Variants in FKBP1B observed in about 807,000 individuals in gnomAD.
The protein encoded by FKBP1B is peptidyl-prolyl cis-trans isomerase FKBP1B.
Under a neutral mutation model 13.5 loss-of-function variants are expected in FKBP1B, and 4 were observed. The ratio of observed to expected loss-of-function variants is 0.30; its 90% CI spans 0.15 to 0.68. The LOEUF (loss-of-function observed/expected upper bound fraction) is 0.68. Ranked by LOEUF, FKBP1B falls within the 30% of genes least tolerant of loss-of-function variation. The pLI is 0.76. For missense variants in FKBP1B, 93 were observed against 136.2 expected (o/e 0.68, Z 1.58); for synonymous variants, 54 against 53.6 (o/e 1.01, Z -0.03).
chr2:24,042,480 G>A, the FKBP1B span, among the ~76,000 whole-genome samples: 1 of 138,012 alleles, frequency 7.2e-6, no homozygotes, highest in Non-Finnish European at 1.5e-5. Context: ...AGGTTGCAGT[G>A]AATCGAGATC....
upstream of FKBP1B, chr2:24,045,829 A>C (rs1177786864): frequency 6.6e-6 from 1 of 152,036 alleles, no homozygotes; most frequent in African/African-American, 2.4e-5. Context: ...TTTAAAAATG[A>C]GGTGGGTGCT....
chr2:24,053,243 C>A (rs983652267), intron 1 of FKBP1B, among the ~76,000 whole-genome samples: 10 of 150,910 alleles, frequency 6.6e-5, no homozygotes, highest in Non-Finnish European at 1.2e-4. Flanking sequence ...TCTTCAGTAG[C>A]TGGGACTATA....
intron 3 of FKBP1B, among the ~76,000 whole-genome samples, chr2:24,061,154 C>A (rs930418232): frequency 2.1e-4 from 32 of 152,126 alleles, no homozygotes; most frequent in African/African-American, 6.8e-4. Context: ...AAGCACATCC[C>A]CCTAGGCTTG....
the FKBP1B span, among the ~76,000 whole-genome samples, chr2:24,033,870 T>C: frequency 4.6e-5 from 7 of 152,170 alleles, no homozygotes; most frequent in African/African-American, 2.4e-5. Context: ...CTGGGCAACA[T>C]GGCAAGACCC....
Position 24,049,800 on chromosome 2 carries a change from G to T in FKBP1B, c.-50G>T. ...CGGGGCTGGGGCCGGAGCCGAGCCG[G>T]GGTCGGGCAGCAGCAGGGACCCCCC... On this transcript the variant is annotated 5_prime_UTR_variant, in exon 1 of 4. Transcript: ENST00000380986. 7.6e-7 allele frequency: 1 copy of T among 1,320,892 alleles called. No individual in the cohort carries two copies. Among genetic ancestry groups the T allele is most frequent in the Non-Finnish European group, 9.7e-7 (1 of 1,032,570 alleles). The allele number at this position is 1,320,892 out of a possible 1,614,324, so 81.8% of individuals were successfully genotyped here. A position where few individuals can be genotyped will look rare whatever the true frequency, so the allele number is the denominator to read the frequency against.
chr2:24,057,044 G>A (rs1363692001), intron 2 of FKBP1B, among the ~76,000 whole-genome samples: 3 of 152,092 alleles, frequency 2.0e-5, no homozygotes, highest in African/African-American at 7.2e-5. Context: ...TTGGATATGA[G>A]TCTTTTGTTG....
chr2:24,039,201 G>T, the FKBP1B span: 390 of 1,614,216 alleles, frequency 2.4e-4, 1 homozygote, highest in African/African-American at 4.6e-3. Flanking sequence ...TCAGCCATTT[G>T]CTTGACTCCA....
chr2:24,038,798 C>T, the FKBP1B span: 8 of 1,614,170 alleles, frequency 5.0e-6, no homozygotes, highest in Non-Finnish European at 8.5e-7. Context: ...GTTTCAGATG[C>T]ATTTAAGCCA....
At chr2:24,054,499 T>A (rs988789005) in intron 2 of FKBP1B, 8 of 172,224 alleles carry the variant, frequency 4.6e-5, no homozygotes, top group Admixed American at 3.2e-4. Context: ...TCTTCAGGAC[T>A]GCTGGCAGGA....
chr2:24,039,340 T>C, the FKBP1B span: 3 of 1,614,212 alleles, frequency 1.9e-6, no homozygotes, highest in Non-Finnish European at 2.5e-6. Flanking sequence ...TCCAATGACT[T>C]TGGAGTCCCC....
At position 24,063,083 on chromosome 2, in the gene FKBP1B, C is replaced by T. The variant is rs143319068; in HGVS notation, c.218C>T (p.Ala73Val). Residue 73 changes from alanine (A) to valine (V), a missense_variant, in exon 4 of 4, where the codon GCG becomes GTG. By Grantham distance (64) the Ala-to-Val change is moderately conservative. Transcript: ENST00000380986. ...TGCTAGATGAGCTTGGGGCAGAGGG[C>T]GAAGCTGACCTGCACCCCTGATGTG... ...GAAQMSLGQRAKLTCTPDVAY... is the reference protein window; with the variant it reads ...GAAQMSLGQRVKLTCTPDVAY... 9.3e-6 allele frequency: 15 copies of T among 1,613,994 alleles called. No individual in the cohort carries two copies. Among genetic ancestry groups the T allele is most frequent in the South Asian group, 3.3e-5 (3 of 91,074 alleles).
upstream of FKBP1B, among the ~76,000 whole-genome samples, chr2:24,045,503 C>G (rs1323377759): frequency 6.7e-6 from 1 of 150,308 alleles, no homozygotes; most frequent in Non-Finnish European, 1.5e-5. Context: ...TGGGAGGCTG[C>G]AGCAGGAGAA....
the FKBP1B span, among the ~76,000 whole-genome samples, chr2:24,036,726 G>A: frequency 1.3e-5 from 2 of 152,194 alleles, no homozygotes; most frequent in Non-Finnish European, 2.9e-5. Flanking sequence ...CATACTCTCA[G>A]TATGAAGTAA....
intron 2 of FKBP1B, among the ~76,000 whole-genome samples, chr2:24,060,434 GC>G (rs1283019307): frequency 6.6e-5 from 10 of 151,958 alleles, no homozygotes; most frequent in African/African-American, 2.4e-4. Context: ...CGCCTGTAAT[GC>G]CAGCTACCTG....
the FKBP1B span, among the ~76,000 whole-genome samples, chr2:24,037,008 A>G: frequency 2.0e-5 from 3 of 152,376 alleles, no homozygotes; most frequent in South Asian, 6.2e-4. Flanking sequence ...AAATGCATCA[A>G]AACATTTTAA....
chr2:24,046,851 A>T (rs767367508), upstream of FKBP1B, among the ~76,000 whole-genome samples: 3 of 152,194 alleles, frequency 2.0e-5, no homozygotes, highest in Non-Finnish European at 4.4e-5. Flanking sequence ...GCAACTTTGT[A>T]TCACGGTTTT....
At chr2:24,051,205 G>A (rs544384414) in intron 1 of FKBP1B, among the ~76,000 whole-genome samples, 7 of 152,012 alleles carry the variant, frequency 4.6e-5, no homozygotes, top group Non-Finnish European at 8.8e-5. Flanking sequence ...ATGGTGGTAC[G>A]CACCTGTAAT....
At chr2:24,049,948 G>A in intron 1 of FKBP1B, 62 bp downstream of exon 1, 2 of 1,316,786 alleles carry the variant, frequency 1.5e-6, no homozygotes, top group Non-Finnish European at 2.0e-6. Context: ...CCGGAGGGCG[G>A]GGGTCTGATT....
chr2:24,062,956 G>A (rs2150973935), intron 3 of FKBP1B, 108 bp from the exon 4 acceptor site: 1 of 1,521,820 alleles, frequency 6.6e-7, no homozygotes, highest in East Asian at 2.3e-5. Flanking sequence ...GATCTTCAGA[G>A]TTAACATTGA....
Sources: gnomAD v4.1 joint callset for allele counts (sites outside exome capture counted in the v4.1 genomes callset) on GRCh38, gnomAD v4.1.1 for gene constraint, MANE v1.5 for transcripts, NCBI Gene and HGNC (gene_info 2026-07-23, HGNC 2026-07-21) for gene names.